The following IL2RB variants were observed in gnomAD, a reference collection of about 807,000 sequenced individuals.
IL2RB encodes interleukin 2 receptor subunit beta, also known as interleukin-2 receptor subunit beta.
Under a neutral mutation model 44.2 loss-of-function variants are expected in IL2RB, and 17 were observed. The ratio of observed to expected loss-of-function variants is 0.38; its 90% CI spans 0.26 to 0.58. The LOEUF is 0.58. Among genes scored for constraint, IL2RB ranks in the 20% least tolerant of loss-of-function variants. The probability of loss-of-function intolerance (pLI) is 0.63; values close to 1 mark genes in which losing one functional copy is unlikely to be tolerated. For missense variants in IL2RB, 624 were observed against 685.5 expected (o/e 0.91, Z 1.00); for synonymous variants, 286 against 297.9 (o/e 0.96, Z 0.41).
At chr22:37,166,926 G>T (rs998521524) in intron 1 of IL2RB, 3 of 152,152 alleles carry the variant, frequency 2.0e-5, no homozygotes, top group Admixed American at 2.0e-4. Flanking sequence ...ACCTGCAAGG[G>T]ATCTCGGAGG....
At chr22:37,155,390 A>T (rs561116873) in intron 1 of IL2RB, among the ~76,000 whole-genome samples, 6 of 152,008 alleles carry the variant, frequency 3.9e-5, no homozygotes, top group Admixed American at 3.9e-4. Context: ...CATCATACAC[A>T]CTCAAACCTT....
intron 1 of IL2RB, among the ~76,000 whole-genome samples, chr22:37,170,319 G>A (rs1271664042): frequency 6.6e-6 from 1 of 152,196 alleles, no homozygotes; most frequent in Non-Finnish European, 1.5e-5. Flanking sequence ...GATGGGGTGT[G>A]TTTTAGCAGC....
chr22:37,164,317 G>A (rs935076487), intron 1 of IL2RB, among the ~76,000 whole-genome samples: 9 of 152,110 alleles, frequency 5.9e-5, no homozygotes, highest in African/African-American at 2.2e-4. Flanking sequence ...TCAGAGGAGG[G>A]GAGCAGAGTG....
rs12170916 is a variant in IL2RB at position 37,134,510 on chromosome 22, G to A, written c.818+818C>T. ...AGTCCCAGCTACTCGGGAGGATGAC[G>A]CAGGAGAATCGCTTGAACCCTGGAG... On this transcript the variant is annotated intron_variant, in intron 8 of 9. Coordinates refer to ENST00000216223, the MANE Select transcript of IL2RB (RefSeq NM_000878.5). 5.8e-3 allele frequency among the ~76,000 whole-genome samples: 890 copies of A among 152,298 alleles called. 5 individuals carry two copies. Among genetic ancestry groups the A allele is most frequent in the South Asian group, 7.9e-3 (38 of 4,830 alleles).
At chr22:37,164,069 C>T (rs1351019514) in intron 1 of IL2RB, among the ~76,000 whole-genome samples, 1 of 152,218 alleles carries the variant, frequency 6.6e-6, no homozygotes. Context: ...CAGAGGCCAT[C>T]ACCTGTATCA....
In IL2RB at chr22:37,155,407, G is replaced by A. The variant is rs79901988; in HGVS notation, c.-33-11202C>T. On this transcript the variant is annotated intron_variant, in intron 1 of 5. Coordinates refer to the IL2RB transcript ENST00000429622. ...TCATACACACTCAAACCTTCCCAGT[G>A]CATTCACAGTAAAATCCAAACTCTC... 6.1e-3 allele frequency among the ~76,000 whole-genome samples: 926 copies of A among 152,298 alleles called. 7 individuals carry two copies. The highest frequency in any genetic ancestry group is 0.021 in the African/African-American group (884 of 41,556).
chr22:37,173,713 T>C (rs1275044577), intron 1 of IL2RB, among the ~76,000 whole-genome samples: 4 of 151,916 alleles, frequency 2.6e-5, no homozygotes, highest in African/African-American at 4.8e-5. Flanking sequence ...AGGCAGTGCC[T>C]CCAGCAGCCT....
chr22:37,168,082 A>G (rs1923141881), intron 1 of IL2RB, among the ~76,000 whole-genome samples: 1 of 152,256 alleles, frequency 6.6e-6, no homozygotes, highest in Non-Finnish European at 1.5e-5. Flanking sequence ...AGGTAGGACA[A>G]GTATGCAAAT....
intron 1 of IL2RB, among the ~76,000 whole-genome samples, chr22:37,147,800 CTCCCCAGG>C (rs1362431738): frequency 6.6e-6 from 1 of 152,248 alleles, no homozygotes; most frequent in Non-Finnish European, 1.5e-5. Flanking sequence ...GGAGGGTGAG[CTCCCCAGG>C]GTGGGGGCTG....
chr22:37,140,132 G>A (rs772288652), intron 4 of IL2RB, among the ~76,000 whole-genome samples: 8 of 152,120 alleles, frequency 5.3e-5, no homozygotes, highest in African/African-American at 7.2e-5. Context: ...CTTGGGCACC[G>A]TCCCTCTGGT....
chr22:37,129,347 G>A (rs957372770), intron 9 of IL2RB, among the ~76,000 whole-genome samples: 1 of 152,212 alleles, frequency 6.6e-6, no homozygotes, highest in Non-Finnish European at 1.5e-5. Context: ...AGACCAGCAG[G>A]CGGCAGAGCT....
intron 1 of IL2RB, among the ~76,000 whole-genome samples, chr22:37,158,843 T>C (rs753682423): frequency 2.0e-5 from 3 of 152,336 alleles, no homozygotes; most frequent in Middle Eastern, 3.4e-3. Flanking sequence ...TACCTGAAAC[T>C]GTCCCTGAGT....
intron 7 of IL2RB, 43 bp from the exon 8 acceptor site, chr22:37,135,485 A>G (rs1445777884): frequency 7.6e-7 from 1 of 1,314,794 alleles, no homozygotes; most frequent in African/African-American, 1.4e-5. Flanking sequence ...GGGTTAGAGA[A>G]GTGCCCTCAC....
chr22:37,130,408 C>T (rs1921365550), intron 9 of IL2RB, among the ~76,000 whole-genome samples: 1 of 152,222 alleles, frequency 6.6e-6, no homozygotes, highest in South Asian at 2.1e-4. Flanking sequence ...ACGCCCCTCA[C>T]ACATACTCCC....
intron 1 of IL2RB, among the ~76,000 whole-genome samples, chr22:37,162,303 T>C (rs1327647399): frequency 1.3e-5 from 2 of 152,138 alleles, no homozygotes; most frequent in African/African-American, 4.8e-5. Flanking sequence ...CATTGGATGC[T>C]CAAGGACAGT....
intron 1 of IL2RB, among the ~76,000 whole-genome samples, chr22:37,160,679 C>CAAAAAAAAAAAAAAAAAAAAAAAAA (rs10605445): frequency 3.7e-5 from 5 of 136,034 alleles, no homozygotes; most frequent in African/African-American, 1.5e-4. Flanking sequence ...CTGTCTATGC[C>CAAAAAAAAAAAAAAAAAAAAAAAAA]AAAAAAAAAA....
rs373228367 is a variant in IL2RB at position 37,135,297 on chromosome 22, G to A, written c.818+31C>T. 2.0e-5 allele frequency: 30 copies of A among 1,476,402 alleles called. No homozygotes were observed. In the African/African-American group the frequency reaches 3.0e-4, roughly 15 times the overall value. 91.5% of individuals were successfully genotyped at this position (1,476,402 alleles called of 1,614,324 possible). ...GTGTGTGCACGTTGGAGGGGTGGGA[G>A]CATGAAGGAAGGGGAGGAGAACCTT... On this transcript the variant is annotated intron_variant, in intron 8 of 9. Transcript: ENST00000216223.
Position 37,155,225 on chromosome 22 carries a change from C to T in IL2RB, c.-33-11020G>A, listed in dbSNP as rs117612671. Among the ~76,000 whole-genome samples, 434 of 152,222 alleles carry T rather than the reference C, an allele frequency of 2.9e-3. 11 individuals carry two copies. The East Asian group carries it at 0.054, about 19-fold the overall frequency. ...CTTCAGCCCCTGCCCTGCTCAGAGCCGTGTCATCTCCCACCTCAGCAGGCC... is the reference window on the plus strand; with the variant it reads ...CTTCAGCCCCTGCCCTGCTCAGAGCTGTGTCATCTCCCACCTCAGCAGGCC... On this transcript the variant is annotated intron_variant, in intron 1 of 5. Coordinates refer to the IL2RB transcript ENST00000429622.
At chr22:37,165,642 T>C (rs1446507529) in intron 1 of IL2RB, among the ~76,000 whole-genome samples, 1 of 152,228 alleles carries the variant, frequency 6.6e-6, no homozygotes, top group Non-Finnish European at 1.5e-5. Flanking sequence ...CAGCTGCCTC[T>C]TCAGGGCAGG....
Sources: allele counts gnomAD v4.1 joint callset (sites outside exome capture counted in the v4.1 genomes callset), GRCh38; gene constraint gnomAD v4.1.1; transcripts MANE v1.5; gene names NCBI Gene and HGNC (gene_info 2026-07-23, HGNC 2026-07-21).